Variants in PCDH15 observed in about 807,000 individuals in gnomAD.
PCDH15 encodes the protein protocadherin-15.
Under a neutral mutation model 178.5 loss-of-function variants are expected in PCDH15, and 129 were observed. That is an observed-to-expected ratio of 0.72 (90% CI 0.63 to 0.84). The LOEUF (loss-of-function observed/expected upper bound fraction) is 0.84, where lower values mean the gene tolerates loss of function less well. PCDH15 is among the 40% of genes least tolerant of loss of function. The pLI is 0.00. For synonymous variants in PCDH15, 800 were observed against 732.0 expected (o/e 1.09, Z -1.50); for missense variants, 2,230 against 2,099.9 (o/e 1.06, Z -1.21).
At chr10:54,032,473 A>G (rs2093320837) in intron 18 of PCDH15, among the ~76,000 whole-genome samples, 1 of 151,958 alleles carries the variant, frequency 6.6e-6, no homozygotes, top group African/African-American at 2.4e-5. Flanking sequence ...ATTTCTGCCA[A>G]AATTTCTTCT....
intron 1 of PCDH15, among the ~76,000 whole-genome samples, chr10:54,783,602 T>A (rs1295956082): frequency 6.6e-6 from 1 of 152,070 alleles, no homozygotes; most frequent in Non-Finnish European, 1.5e-5. Context: ...AATTCCCAAG[T>A]CTTCAGAGAG....
intron 8 of PCDH15, among the ~76,000 whole-genome samples, chr10:54,238,390 T>A (rs1263752178): frequency 5.3e-5 from 8 of 152,086 alleles, no homozygotes; most frequent in African/African-American, 1.9e-4. Flanking sequence ...AGGATAATTA[T>A]TGACCAATAA....
chr10:55,043,405 A>C (rs1339984157), intron 2 of PCDH15, among the ~76,000 whole-genome samples: 1 of 152,000 alleles, frequency 6.6e-6, no homozygotes, highest in East Asian at 1.9e-4. Context: ...TACATAAAAA[A>C]ACAGGAAAAA....
At chr10:55,171,508 T>C (rs1016414346) in intron 1 of PCDH15, among the ~76,000 whole-genome samples, 2 of 152,122 alleles carry the variant, frequency 1.3e-5, no homozygotes, top group East Asian at 3.9e-4. Context: ...TAGGCCACGA[T>C]AATATAAGGC....
At chr10:54,530,113 T>C (rs2083760384) in intron 2 of PCDH15, among the ~76,000 whole-genome samples, 1 of 152,106 alleles carries the variant, frequency 6.6e-6, no homozygotes. Flanking sequence ...TTTGTTACTA[T>C]TAAGTTTAAA....
At chr10:55,048,669 A>C (rs951632275) in intron 2 of PCDH15, among the ~76,000 whole-genome samples, 1 of 151,848 alleles carries the variant, frequency 6.6e-6, no homozygotes, top group Non-Finnish European at 1.5e-5. Context: ...ATTTTTACAA[A>C]GAGTTTTAAT....
chr10:55,388,769 A>C lies in PCDH15; in HGVS notation c.-155-222118T>G, dbSNP rs915345934. Among the ~76,000 whole-genome samples, 6 of 152,110 alleles carry C rather than the reference A, an allele frequency of 3.9e-5. 1 individual carries two copies. The South Asian group carries it at 1.2e-3, about 31-fold the overall frequency. On this transcript the variant is annotated intron_variant, in intron 2 of 5. Transcript: ENST00000613346. ...CTGTGGTGCACTTAATTTTTATGGA[A>C]TATCAACCAGTTCCTAGACTAAATT... is the stretch of plus-strand genomic sequence containing the variant.
intron 2 of PCDH15, among the ~76,000 whole-genome samples, chr10:55,607,722 G>A (rs1025325759): frequency 7.3e-6 from 1 of 136,746 alleles, no homozygotes; most frequent in African/African-American, 2.8e-5. Context: ...CACAGGAAGG[G>A]GAACATCACA....
chr10:54,708,410 T>C (rs1218166194), intron 1 of PCDH15, among the ~76,000 whole-genome samples: 1 of 152,182 alleles, frequency 6.6e-6, no homozygotes, highest in African/African-American at 2.4e-5. Flanking sequence ...TCTTACAGAG[T>C]TGAATATTTT....
chr10:54,805,060 T>C (rs1952758140), upstream of PCDH15, among the ~76,000 whole-genome samples: 2 of 150,230 alleles, frequency 1.3e-5, no homozygotes, highest in South Asian at 4.2e-4. Context: ...ATATAATATT[T>C]CTTATAATAT....
chr10:54,505,251 A>T (rs1335060995), intron 3 of PCDH15, among the ~76,000 whole-genome samples: 3 of 152,084 alleles, frequency 2.0e-5, no homozygotes, highest in Non-Finnish European at 2.9e-5. Context: ...ATATATTACA[A>T]AGTTATTTTC....
chr10:54,055,178 A>C (rs1010127659), intron 18 of PCDH15, among the ~76,000 whole-genome samples: 29 of 152,190 alleles, frequency 1.9e-4, no homozygotes, highest in African/African-American at 6.5e-4. Flanking sequence ...AAACTTCTTT[A>C]AGTGCTTAAG....
intron 17 of PCDH15, among the ~76,000 whole-genome samples, chr10:54,067,496 C>T (rs1360899759): frequency 6.6e-6 from 1 of 152,096 alleles, no homozygotes; most frequent in Non-Finnish European, 1.5e-5. Flanking sequence ...GTGTGTGCTA[C>T]CTAGTTAAAA....
At chr10:53,807,191 C>T (rs1841239127) in intron 37 of PCDH15, 61 bp from the exon 38 acceptor site, 1 of 1,348,042 alleles carries the variant, frequency 7.4e-7, no homozygotes, top group African/African-American at 1.5e-5. Context: ...GCAATGATTA[C>T]ATTGCCTGTG....
At chr10:54,553,044 T>A (rs1488101344) in intron 2 of PCDH15, among the ~76,000 whole-genome samples, 1 of 152,218 alleles carries the variant, frequency 6.6e-6, no homozygotes, top group Non-Finnish European at 1.5e-5. Context: ...TCTTGAAAGA[T>A]CTGCATTACA....
At chr10:55,248,156 C>T (rs1317013323) in intron 1 of PCDH15, among the ~76,000 whole-genome samples, 1 of 151,358 alleles carries the variant, frequency 6.6e-6, no homozygotes, top group African/African-American at 2.4e-5. Context: ...CCATTTTTTA[C>T]ATAGAGGTAG....
intron 15 of PCDH15, among the ~76,000 whole-genome samples, chr10:54,124,856 A>G (rs1215093800): frequency 6.6e-6 from 1 of 152,210 alleles, no homozygotes; most frequent in African/African-American, 2.4e-5. Flanking sequence ...CAGAAAAACA[A>G]ATCAATACCT....
At chr10:55,251,143 A>G (rs966622280) in intron 1 of PCDH15, among the ~76,000 whole-genome samples, 30 of 152,140 alleles carry the variant, frequency 2.0e-4, no homozygotes, top group African/African-American at 7.0e-4. Context: ...ACATTGATAC[A>G]ATCTATAGGT....
intron 8 of PCDH15, among the ~76,000 whole-genome samples, chr10:54,286,958 T>C (rs149780782): frequency 6.6e-6 from 1 of 152,328 alleles, no homozygotes; most frequent in East Asian, 1.9e-4. Context: ...TTATATTTTC[T>C]CATTCTCTTT....
Sources: allele counts gnomAD v4.1 joint callset (sites outside exome capture counted in the v4.1 genomes callset), GRCh38; gene constraint gnomAD v4.1.1; transcripts MANE v1.5; gene names NCBI Gene and HGNC (gene_info 2026-07-23, HGNC 2026-07-21).